CPQ: variants seen among roughly 807,000 people sequenced by gnomAD.
The protein encoded by CPQ is Ser-Met dipeptidase.
In CPQ, 37 loss-of-function variants were observed where a neutral mutation model predicts 45.7. The ratio of observed to expected loss-of-function variants is 0.81; its 90% CI spans 0.62 to 1.07. The LOEUF is 1.07. CPQ is among the 50% of genes least tolerant of loss of function. The probability of loss-of-function intolerance (pLI) is 0.00; values close to 1 mark genes in which losing one functional copy is unlikely to be tolerated. For missense variants in CPQ, 537 were observed against 572.9 expected (o/e 0.94, Z 0.64); for synonymous variants, 186 against 205.8 (o/e 0.90, Z 0.82).
intron 4 of CPQ, among the ~76,000 whole-genome samples, chr8:96,886,366 T>C (rs994159547): frequency 6.6e-6 from 1 of 152,230 alleles, no homozygotes; most frequent in African/African-American, 2.4e-5. Flanking sequence ...AAATGAGCGC[T>C]TTTTGATTTC....
In CPQ at chr8:96,813,355, C is replaced by T. The variant is rs555169499; in HGVS notation, c.434-21618C>T. Reference sequence around the variant, plus strand: ...TGGGGTTGGAGGGTGAGGCAAAGAACTCTGGTACTGTCTACACTGACAGTC... The same window carrying T: ...TGGGGTTGGAGGGTGAGGCAAAGAATTCTGGTACTGTCTACACTGACAGTC... On this transcript the variant is annotated intron_variant, in intron 2 of 7. Transcript: ENST00000220763. Among the ~76,000 whole-genome samples the T allele has an allele frequency of 1.7e-4, 26 of 152,194 alleles. No individual in the cohort carries two copies. The South Asian group carries it at 5.4e-3, about 32-fold the overall frequency.
At chr8:96,892,953 AT>A (rs1294068921) in intron 4 of CPQ, among the ~76,000 whole-genome samples, 2 of 152,196 alleles carry the variant, frequency 1.3e-5, no homozygotes, top group African/African-American at 2.4e-5. Flanking sequence ...AATAATATAC[AT>A]TTATAGAATA....
chr8:96,911,487 C>T (rs1042347593), intron 4 of CPQ, among the ~76,000 whole-genome samples: 1 of 152,160 alleles, frequency 6.6e-6, no homozygotes, highest in Non-Finnish European at 1.5e-5. Flanking sequence ...TTGCACTTTC[C>T]CAGCTTCTAG....
At chr8:97,080,316 C>T (rs1050860875) in intron 7 of CPQ, among the ~76,000 whole-genome samples, 1 of 152,110 alleles carries the variant, frequency 6.6e-6, no homozygotes, top group Admixed American at 6.6e-5. Context: ...CTCGTTGAAA[C>T]TTGGAGTCAA....
At chr8:96,888,538 A>T (rs906331129) in intron 4 of CPQ, among the ~76,000 whole-genome samples, 1 of 152,250 alleles carries the variant, frequency 6.6e-6, no homozygotes, top group East Asian at 1.9e-4. Flanking sequence ...GGTGCTGGAG[A>T]AAAGCATTAT....
intron 6 of CPQ, among the ~76,000 whole-genome samples, chr8:97,044,557 G>A (rs1047798257): frequency 1.3e-5 from 2 of 152,198 alleles, no homozygotes; most frequent in African/African-American, 4.8e-5. Flanking sequence ...GACGAGAGGT[G>A]CTTTGCTTTT....
chr8:96,740,127 T>C (rs1050756443), intron 1 of CPQ, among the ~76,000 whole-genome samples: 3 of 151,544 alleles, frequency 2.0e-5, no homozygotes, highest in Non-Finnish European at 4.4e-5. Flanking sequence ...TTGTATCCTC[T>C]TTTATTTCCT....
chr8:97,051,944 A>T (rs1051066611), intron 6 of CPQ, among the ~76,000 whole-genome samples: 4 of 152,134 alleles, frequency 2.6e-5, no homozygotes, highest in African/African-American at 9.7e-5. Context: ...TTAAACACCA[A>T]TGATGCCCTT....
In CPQ at chr8:96,928,493, G is replaced by C. The variant is rs182750731; in HGVS notation, c.850-37442G>C. 2.0e-3 allele frequency among the ~76,000 whole-genome samples: 311 copies of C among 151,998 alleles called. 8 individuals carry two copies. The highest frequency in any genetic ancestry group is 0.018 in the Admixed American group (276 of 15,230). Reference sequence around the variant, plus strand: ...CCTTGTGTTTAGCAGCAGATAGGCAGACTTGTGATTTGTGGGCGAAACATG... The same window carrying C: ...CCTTGTGTTTAGCAGCAGATAGGCACACTTGTGATTTGTGGGCGAAACATG... On this transcript the variant is annotated intron_variant, in intron 4 of 7. Coordinates refer to ENST00000220763, the MANE Select transcript of CPQ (RefSeq NM_016134.4).
chr8:96,869,781 T>G (rs1205490746), intron 3 of CPQ, among the ~76,000 whole-genome samples: 1 of 152,078 alleles, frequency 6.6e-6, no homozygotes, highest in Non-Finnish European at 1.5e-5. Context: ...GCAATCTGTT[T>G]TAGCAAGACT....
At chr8:96,710,623 G>GAT (rs1246389166) in intron 1 of CPQ, among the ~76,000 whole-genome samples, 11 of 152,100 alleles carry the variant, frequency 7.2e-5, no homozygotes, top group Admixed American at 1.3e-4. Context: ...TTCAGGAGCT[G>GAT]ATTGCTTAAT....
rs563951267 is a variant in CPQ, at chr8:97,102,175, C to T, written c.1255+35965C>T. ...TTTTGAAAATAAAAATGCACTCAAA[C>T]TGAAAAAAAGGAAAACGGATGTATT... On this transcript the variant is annotated intron_variant, in intron 7 of 7. Coordinates refer to ENST00000220763, the MANE Select transcript of CPQ (RefSeq NM_016134.4). 5.7e-4 allele frequency among the ~76,000 whole-genome samples: 86 copies of T among 152,070 alleles called. 1 individual carries two copies. In the South Asian group the frequency reaches 0.017, roughly 30 times the overall value.
rs181096681 is a variant in CPQ at position 96,885,412 on chromosome 8, T to C, written c.849+5407T>C. Among the ~76,000 whole-genome samples, 42 of 152,296 alleles carry C rather than the reference T, an allele frequency of 2.8e-4. No homozygotes were observed. The East Asian group carries it at 7.5e-3, about 27-fold the overall frequency. The stretch of plus-strand genomic sequence containing the variant: ...TCAACACATGAACTTTCGGGTGACA[T>C]ATGCAAAACATTGCATGGACTAACA... On this transcript the variant is annotated intron_variant, in intron 4 of 7. Transcript: ENST00000220763.
rs79292480 is a variant in CPQ at position 96,776,210 on chromosome 8, G to A, written c.-34-8654G>A. 2.9e-4 allele frequency among the ~76,000 whole-genome samples: 44 copies of A among 152,290 alleles called. No individual in the cohort carries two copies. The East Asian group carries it at 8.3e-3, about 29-fold the overall frequency. ...TAAGATACTTAAAGGGCTAACTACCGTAAATCCAGGAATATTGTCAGAAGT... is the reference window on the plus strand; with the variant it reads ...TAAGATACTTAAAGGGCTAACTACCATAAATCCAGGAATATTGTCAGAAGT... On this transcript the variant is annotated intron_variant, in intron 1 of 7. Coordinates refer to ENST00000220763, the MANE Select transcript of CPQ (RefSeq NM_016134.4).
chr8:96,723,055 A>G (rs896137396), intron 1 of CPQ, among the ~76,000 whole-genome samples: 1 of 152,192 alleles, frequency 6.6e-6, no homozygotes, highest in African/African-American at 2.4e-5. Context: ...TTTTGGGGAA[A>G]GTTTTCAACT....
chr8:96,929,844 A>G (rs73698817), intron 4 of CPQ, among the ~76,000 whole-genome samples: 10,516 of 152,250 alleles, frequency 0.069, 679 homozygotes, highest in African/African-American at 0.17. Flanking sequence ...CTGTTAGAGC[A>G]TCTCAGTAGG....
At chr8:96,849,848 C>T (rs750274763) in intron 3 of CPQ, among the ~76,000 whole-genome samples, 1 of 152,132 alleles carries the variant, frequency 6.6e-6, no homozygotes, top group Admixed American at 6.6e-5. Context: ...TTTTTAGAAC[C>T]CAGATTTTTT....
intron 3 of CPQ, among the ~76,000 whole-genome samples, chr8:96,838,890 T>C (rs1811567667): frequency 6.6e-6 from 1 of 152,066 alleles, no homozygotes; most frequent in African/African-American, 2.4e-5. Context: ...TTGCTCTGCA[T>C]TTGGAGGAAA....
At chr8:96,690,378 T>C (rs1405471232) in intron 1 of CPQ, among the ~76,000 whole-genome samples, 1 of 152,154 alleles carries the variant, frequency 6.6e-6, no homozygotes, top group African/African-American at 2.4e-5. Flanking sequence ...TATGATTTAA[T>C]GAGTATTTTT....
Sources: gnomAD v4.1 joint callset for allele counts (sites outside exome capture counted in the v4.1 genomes callset) on GRCh38, gnomAD v4.1.1 for gene constraint, MANE v1.5 for transcripts, NCBI Gene and HGNC (gene_info 2026-07-23, HGNC 2026-07-21) for gene names.